Variants in RRM1 observed in about 807,000 individuals in gnomAD.
RRM1 encodes the protein ribonucleoside-diphosphate reductase large subunit.
In RRM1, 19 loss-of-function variants were observed where a neutral mutation model predicts 101.5. The observed-to-expected ratio is 0.19, with a 90% CI of 0.13 to 0.27. The LOEUF (loss-of-function observed/expected upper bound fraction) is 0.27, where lower values mean the gene tolerates loss of function less well. RRM1 is among the 10% of genes least tolerant of loss of function. RRM1 has a pLI of 1.00. For synonymous variants in RRM1, 298 were observed against 323.4 expected, an observed-to-expected ratio of 0.92 and a Z score of 0.84; for missense variants, 500 against 962.9, an observed-to-expected ratio of 0.52 and a Z score of 6.36.
intron 18 of RRM1, chr11:4,137,298 C>T (rs569063684): frequency 1.8e-4 from 39 of 211,550 alleles, no homozygotes; most frequent in South Asian, 1.5e-3. Flanking sequence ...ACCTCCCAGA[C>T]GGGGTGGTGG....
chr11:4,095,080 T>A, intron 1 of RRM1, 49 bp downstream of exon 1: 1 of 1,550,020 alleles, frequency 6.5e-7, no homozygotes, highest in Middle Eastern at 2.2e-4. Flanking sequence ...GGATGCGGGC[T>A]GCCGCCGCCG....
intron 1 of RRM1, chr11:4,099,281 A>C (rs1407339281): frequency 3.7e-5 from 5 of 135,416 alleles, no homozygotes; most frequent in South Asian, 2.5e-4. Flanking sequence ...CTGGGATTAC[A>C]GCATACCCAG....
At chr11:4,129,028 T>C (rs1270261842) in intron 14 of RRM1, 46 bp from the exon 15 acceptor site, 1 of 984,340 alleles carries the variant, frequency 1.0e-6, no homozygotes, top group South Asian at 1.7e-5. Context: ...TTTTTGGTCA[T>C]AGTTTTAACT....
chr11:4,129,381 A>G (rs2094595119), intron 15 of RRM1, among the ~76,000 whole-genome samples: 1 of 152,150 alleles, frequency 6.6e-6, no homozygotes, highest in Non-Finnish European at 1.5e-5. Flanking sequence ...GGTAGGAATT[A>G]CTATTATTAG....
At chr11:4,125,040 G>A (rs1369507771) in intron 12 of RRM1, among the ~76,000 whole-genome samples, 2 of 151,056 alleles carry the variant, frequency 1.3e-5, no homozygotes, top group African/African-American at 4.9e-5. Flanking sequence ...TCAGCCTCCC[G>A]AGTAGCTGGG....
chr11:4,132,352 G>A lies in RRM1; in HGVS notation c.1836G>A (p.Gly612=). The A allele has an allele frequency of 6.2e-7, 1 of 1,614,040 alleles. No homozygotes were observed. The highest frequency in any genetic ancestry group is 8.5e-7 in the Non-Finnish European group (1 of 1,179,960). The change falls in exon 16 of 19, where the codon GGG becomes GGA. Residue 612 remains glycine, a synonymous_variant. Coordinates refer to ENST00000300738, the MANE Select transcript of RRM1 (RefSeq NM_001033.5). This position sits in a 1 kb window ranked among gnomAD's most constrained non-coding sequence, Gnocchi z 4.1. ...CAGCTTCCACTGCTCAGATCCTGGG[G>A]AATAATGAGTCCATTGAACCTTACA... ...MPTASTAQIL[G]NNESIEPYTS...
intron 7 of RRM1, among the ~76,000 whole-genome samples, chr11:4,115,703 C>T (rs1020243913): frequency 3.9e-5 from 6 of 151,948 alleles, no homozygotes; most frequent in African/African-American, 9.7e-5. Context: ...ATTACAGGCA[C>T]GCGCCACCAC....
At chr11:4,130,799 C>G (rs2133320638) in intron 15 of RRM1, among the ~76,000 whole-genome samples, 1 of 152,250 alleles carries the variant, frequency 6.6e-6, no homozygotes, top group South Asian at 2.1e-4. Flanking sequence ...TTATTATAGA[C>G]AATTCCATAG....
intron 2 of RRM1, among the ~76,000 whole-genome samples, chr11:4,102,768 A>G (rs2094553349): frequency 6.6e-6 from 1 of 152,232 alleles, no homozygotes; most frequent in Admixed American, 6.5e-5. Context: ...TTTAAGTAAT[A>G]TAAAGTAGAT....
chr11:4,118,978 T>G (rs1368576957), intron 8 of RRM1: 1 of 152,424 alleles, frequency 6.6e-6, no homozygotes, highest in Non-Finnish European at 1.5e-5. Context: ...GATTCAAGAT[T>G]TATGCATTGA....
chr11:4,127,130 A>C lies in RRM1; in HGVS notation c.1566A>C (p.Ala522=). ...FILMRYPFES[A]EAQLLNKQIF... is the part of the protein sequence containing the mutation. The stretch of plus-strand genomic sequence containing the variant: ...TGATGAGATACCCTTTTGAGAGTGC[A>C]GAAGCCCAGTTACTGAATAAGCAGA... The change falls in exon 14 of 19, where the codon GCA becomes GCC. Residue 522 remains alanine (A), a synonymous_variant. Coordinates refer to ENST00000300738, the MANE Select transcript of RRM1 (RefSeq NM_001033.5). 6.2e-7 allele frequency: 1 copy of C among 1,614,174 alleles called. No homozygotes were observed. The highest frequency in any genetic ancestry group is 8.5e-7 in the Non-Finnish European group (1 of 1,180,012).
intron 12 of RRM1, among the ~76,000 whole-genome samples, chr11:4,125,834 A>G (rs2094588592): frequency 6.6e-6 from 1 of 152,146 alleles, no homozygotes; most frequent in African/African-American, 2.4e-5. Context: ...CTGTGATTCA[A>G]GCTATATTTA....
chr11:4,099,899 A>C (rs1200937022), intron 1 of RRM1, among the ~76,000 whole-genome samples: 3 of 151,718 alleles, frequency 2.0e-5, no homozygotes, highest in Non-Finnish European at 4.4e-5. Flanking sequence ...GATTGACTTC[A>C]GAACTTCTGG....
At chr11:4,134,807 CAATTAAAA>C (rs574340513) in intron 17 of RRM1, among the ~76,000 whole-genome samples, 16 of 151,946 alleles carry the variant, frequency 1.1e-4, no homozygotes, top group Non-Finnish European at 2.4e-4. Context: ...GGTCATAAAT[CAATTAAAA>C]AATTAAAAAA....
intron 2 of RRM1, among the ~76,000 whole-genome samples, chr11:4,104,180 T>A (rs776588246): frequency 2.6e-5 from 4 of 152,208 alleles, no homozygotes; most frequent in Non-Finnish European, 4.4e-5. Flanking sequence ...TATTTTATTC[T>A]GAGTTCTAAT....
At chr11:4,101,563 C>CCCCT (rs2094551218) in intron 1 of RRM1, among the ~76,000 whole-genome samples, 1 of 58,002 alleles carries the variant, frequency 1.7e-5, no homozygotes, top group Non-Finnish European at 5.6e-5. Flanking sequence ...ATCCACACCC[C>CCCCT]CCCCCGCTCC....
At chr11:4,122,305 C>T in intron 11 of RRM1, 85 bp downstream of exon 11, 1 of 1,024,010 alleles carries the variant, frequency 9.8e-7, no homozygotes, top group Non-Finnish European at 1.4e-6. Context: ...AAGTACTTGT[C>T]AAGAATCTTT....
At chr11:4,122,520 A>G (rs948718369) in intron 11 of RRM1, among the ~76,000 whole-genome samples, 21 of 152,196 alleles carry the variant, frequency 1.4e-4, no homozygotes, top group African/African-American at 4.8e-4. Context: ...TTGATAAGCT[A>G]TGCTTTATGT....
In RRM1 at chr11:4,127,264, T is replaced by C. The variant is rs556374796; in HGVS notation, c.1692+8T>C. ...TCTCCAGTTAGCAAAGGAGTAAGTA[T>C]ATGGATGGAATTGTTTTTGCCTGTG... On this transcript the variant is annotated splice_region_variant and intron_variant, in intron 14 of 18. Coordinates refer to ENST00000300738, the MANE Select transcript of RRM1 (RefSeq NM_001033.5). The C allele has an allele frequency of 9.0e-6, 14 of 1,549,504 alleles. No homozygotes were observed. In the South Asian group the frequency reaches 1.8e-4, roughly 19 times the overall value.
Sources: gnomAD v4.1 joint callset for allele counts (sites outside exome capture counted in the v4.1 genomes callset) on GRCh38, gnomAD v4.1.1 for gene constraint, Gnocchi (gnomAD v3.1) non-coding constraint, MANE v1.5 for transcripts, NCBI Gene and HGNC (gene_info 2026-07-23, HGNC 2026-07-21) for gene names.